Variants in RAB38 observed in about 807,000 individuals in gnomAD.
RAB38 encodes RAB38, member RAS oncogene family.
A neutral mutation model predicts 18.4 loss-of-function variants in RAB38; 15 were observed. The ratio of observed to expected loss-of-function variants is 0.82; its 90% CI spans 0.55 to 1.26. The LOEUF is 1.26. RAB38 is among the 50% of genes most tolerant of loss of function. The pLI, the probability that RAB38 is intolerant of heterozygous loss-of-function variation, is 0.00. For missense variants in RAB38, 294 were observed against 267.4 expected, an observed-to-expected ratio of 1.10 and a Z score of -0.69; for synonymous variants, 101 against 104.4, an observed-to-expected ratio of 0.97 and a Z score of 0.20.
At chr11:87,837,665 C>G in the RAB38 span, among the ~76,000 whole-genome samples, 2 of 130,814 alleles carry the variant, frequency 1.5e-5, no homozygotes, top group South Asian at 5.1e-4. Flanking sequence ...CATCATTTTG[C>G]TTATTTTATA....
At chr11:88,051,064 C>T in the RAB38 span, among the ~76,000 whole-genome samples, 1 of 152,112 alleles carries the variant, frequency 6.6e-6, no homozygotes, top group Non-Finnish European at 1.5e-5. Flanking sequence ...TAAATTTTCA[C>T]ATTAATTTTG....
the RAB38 span, among the ~76,000 whole-genome samples, chr11:87,824,011 G>T: frequency 6.6e-6 from 1 of 151,948 alleles, no homozygotes; most frequent in African/African-American, 2.4e-5. Context: ...GTTTTATTTT[G>T]GAAAAAATAT....
At chr11:88,063,055 T>C in the RAB38 span, among the ~76,000 whole-genome samples, 2 of 152,194 alleles carry the variant, frequency 1.3e-5, no homozygotes, top group Admixed American at 6.5e-5. Context: ...TCGAATAAAC[T>C]GTCTCAAGGG....
chr11:87,963,478 T>C, the RAB38 span, among the ~76,000 whole-genome samples: 2,276 of 152,174 alleles, frequency 0.015, 57 homozygotes, highest in African/African-American at 0.052. Context: ...ATAATAGGAC[T>C]ATAGAAAACC....
At chr11:88,051,101 T>G in the RAB38 span, among the ~76,000 whole-genome samples, 1 of 152,168 alleles carries the variant, frequency 6.6e-6, no homozygotes, top group Non-Finnish European at 1.5e-5. Flanking sequence ...CATTAAAATT[T>G]TACTTATCTA....
chr11:88,110,025 C>T (rs1012100427), downstream of RAB38, among the ~76,000 whole-genome samples: 10 of 152,252 alleles, frequency 6.6e-5, no homozygotes, highest in Middle Eastern at 3.4e-3. Flanking sequence ...TGGGCATATA[C>T]CCAAAAGATT....
At chr11:88,173,670 G>C (rs1943338471) in intron 1 of RAB38, 1 of 985,282 alleles carries the variant, frequency 1.0e-6, no homozygotes, top group Non-Finnish European at 1.2e-6. Context: ...CAGCCAGAAG[G>C]GTTTTCAGAC....
chr11:87,971,213 G>C, the RAB38 span, among the ~76,000 whole-genome samples: 14 of 152,240 alleles, frequency 9.2e-5, no homozygotes, highest in Middle Eastern at 0.01. Context: ...CCTCAGAGCT[G>C]AGTTACAGTG....
chr11:87,886,303 G>A, the RAB38 span, among the ~76,000 whole-genome samples: 2 of 149,740 alleles, frequency 1.3e-5, no homozygotes, highest in African/African-American at 5.1e-5. Context: ...GGGAAAAAAC[G>A]GACTATGTTG....
the RAB38 span, among the ~76,000 whole-genome samples, chr11:88,027,665 G>T: frequency 7.6e-6 from 1 of 131,538 alleles, no homozygotes; most frequent in Non-Finnish European, 1.6e-5. Flanking sequence ...CAGCGAGGCT[G>T]GGGGAGGGGC....
chr11:88,162,608 C>CA (rs5793305), intron 1 of RAB38, among the ~76,000 whole-genome samples: 37,590 of 151,102 alleles, frequency 0.25, 4,691 homozygotes, highest in Admixed American at 0.27. Flanking sequence ...ATTCATTTAA[C>CA]AAAAAAAAAT....
the RAB38 span, among the ~76,000 whole-genome samples, chr11:88,027,733 G>A: frequency 2.0e-5 from 3 of 152,256 alleles, no homozygotes; most frequent in South Asian, 2.1e-4. Context: ...CTCCAACTGG[G>A]TGGAGCCCAC....
At chr11:88,032,087 C>T in the RAB38 span, among the ~76,000 whole-genome samples, 1 of 151,456 alleles carries the variant, frequency 6.6e-6, no homozygotes, top group Non-Finnish European at 1.5e-5. Flanking sequence ...ATATCTACAA[C>T]TATCTGATCT....
the RAB38 span, among the ~76,000 whole-genome samples, chr11:88,072,396 A>C: frequency 6.6e-6 from 1 of 152,224 alleles, no homozygotes; most frequent in African/African-American, 2.4e-5. Flanking sequence ...GAACAAAAAA[A>C]CCTAAACAAA....
chr11:88,097,257 C>T, the RAB38 span, among the ~76,000 whole-genome samples: 1 of 151,818 alleles, frequency 6.6e-6, no homozygotes, highest in Admixed American at 6.6e-5. Flanking sequence ...ACTCCAGATG[C>T]AAAGCTTGGG....
At chr11:87,932,930 A>G in the RAB38 span, among the ~76,000 whole-genome samples, 2 of 152,114 alleles carry the variant, frequency 1.3e-5, no homozygotes, top group Non-Finnish European at 2.9e-5. Context: ...ATTTAGAGTC[A>G]AGTCATCTTG....
the RAB38 span, chr11:87,880,109 T>C: frequency 5.9e-5 from 9 of 151,792 alleles, no homozygotes; most frequent in African/African-American, 2.2e-4. Flanking sequence ...ATTATTTTGC[T>C]TCCTATCCGT....
chr11:88,028,319 C>T, the RAB38 span, among the ~76,000 whole-genome samples: 21 of 152,246 alleles, frequency 1.4e-4, no homozygotes, highest in East Asian at 7.7e-4. Context: ...AAAAGCAGAG[C>T]GCCTCTCCTC....
At chr11:88,073,735 T>C in the RAB38 span, among the ~76,000 whole-genome samples, 1 of 151,066 alleles carries the variant, frequency 6.6e-6, no homozygotes, top group African/African-American at 2.4e-5. Context: ...TGACAAAAAA[T>C]TCAAAATAGT....
Sources: gnomAD v4.1 joint callset for allele counts (sites outside exome capture counted in the v4.1 genomes callset) on GRCh38, gnomAD v4.1.1 for gene constraint, MANE v1.5 for transcripts, NCBI Gene and HGNC (gene_info 2026-07-23, HGNC 2026-07-21) for gene names.